The following CASR variants were observed in gnomAD, a reference collection of about 807,000 sequenced individuals.
The protein encoded by CASR is calcium sensing receptor.
Under a neutral mutation model 69.1 loss-of-function variants are expected in CASR, and 23 were observed. That is an observed-to-expected ratio of 0.33 (90% CI 0.24 to 0.47). The LOEUF is 0.47. Ranked by LOEUF, CASR falls within the 20% of genes least tolerant of loss-of-function variation. The pLI is 1.00. For missense variants in CASR, 924 were observed against 1,356.1 expected, an observed-to-expected ratio of 0.68 and a Z score of 5.00; for synonymous variants, 541 against 544.7, an observed-to-expected ratio of 0.99 and a Z score of 0.10.
chr3:122,206,795 A>AT (rs2074011588), intron 1 of CASR, among the ~76,000 whole-genome samples: 3 of 152,030 alleles, frequency 2.0e-5, no homozygotes, highest in African/African-American at 4.8e-5. Context: ...CTCATGTTTC[A>AT]ACCTTCGTAG....
intron 4 of CASR, among the ~76,000 whole-genome samples, chr3:122,263,688 CA>C (rs2087538627): frequency 6.6e-6 from 1 of 152,218 alleles, no homozygotes; most frequent in Non-Finnish European, 1.5e-5. Context: ...TTCAAGTTCT[CA>C]GCCCTTCTTA....
At chr3:122,271,789 C>T (rs2074760929) in intron 4 of CASR, among the ~76,000 whole-genome samples, 1 of 152,210 alleles carries the variant, frequency 6.6e-6, no homozygotes, top group Admixed American at 6.5e-5. Flanking sequence ...TAGACAAACA[C>T]TGATCTACTT....
chr3:122,225,393 A>C (rs1231449675), intron 1 of CASR, among the ~76,000 whole-genome samples: 1 of 152,062 alleles, frequency 6.6e-6, no homozygotes, highest in Non-Finnish European at 1.5e-5. Context: ...AGAAAAAAAA[A>C]CATTTAAAAA....
chr3:122,275,743 G>C, intron 4 of CASR, 69 bp from the exon 5 acceptor site: 1 of 1,011,816 alleles, frequency 9.9e-7, no homozygotes, highest in African/African-American at 1.6e-5. Flanking sequence ...TGTTGTGCAG[G>C]GCACAGCCTA....
intron 5 of CASR, among the ~76,000 whole-genome samples, chr3:122,278,780 C>T (rs970685597): frequency 1.3e-5 from 2 of 152,118 alleles, no homozygotes; most frequent in African/African-American, 2.4e-5. Context: ...CTGACCTGAG[C>T]GCGAATCTCA....
intron 1 of CASR, among the ~76,000 whole-genome samples, chr3:122,206,076 A>G (rs2074003752): frequency 6.6e-6 from 1 of 151,876 alleles, no homozygotes; most frequent in Non-Finnish European, 1.5e-5. Context: ...TCTTTTGCCT[A>G]ATTATTCTAG....
At position 122,284,842 on chromosome 3, in the gene CASR, A is replaced by G; in HGVS notation, c.2888A>G (p.Lys963Arg). 6.2e-7 allele frequency: 1 copy of G among 1,614,184 alleles called. No individual in the cohort carries two copies. ...QQRSQQQPRC[K>R]QKVIFGSGTV... ...CGATCTCAGCAGCAGCCCAGATGCA[A>G]GCAGAAGGTCATCTTTGGCAGCGGC... The change falls in exon 7 of 7, where the codon AAG becomes AGG. Residue 963 changes from lysine (K) to arginine (R), a missense_variant. Physicochemically the swap from Lys to Arg is conservative, Grantham distance 26. This residue lies in a region of CASR where 201 missense variants were observed against 228.8 expected (regional missense o/e 0.88). Coordinates refer to ENST00000639785, the MANE Select transcript of CASR (RefSeq NM_000388.4).
At chr3:122,190,298 ATCT>A (rs891697633) in intron 1 of CASR, among the ~76,000 whole-genome samples, 4 of 152,186 alleles carry the variant, frequency 2.6e-5, no homozygotes, top group Admixed American at 6.5e-5. Context: ...AGGCTAGGTG[ATCT>A]TCTCTTTTCA....
chr3:122,287,699 C>A lies in CASR; in HGVS notation c.*2508C>A, dbSNP rs2074982120. 6.6e-6 allele frequency: 1 copy of A among 152,292 alleles called. No individual in the cohort carries two copies. The highest frequency in any genetic ancestry group is 2.1e-4 in the South Asian group (1 of 4,830). 9.4% of individuals were successfully genotyped at this position (152,292 alleles called of 1,614,324 possible). On this transcript the variant is annotated 3_prime_UTR_variant, in exon 7 of 7. Coordinates refer to ENST00000639785, the MANE Select transcript of CASR (RefSeq NM_000388.4). ...CTGGCGTGCTCTGAGGCATTGTATC[C>A]TCATCTGGTCCCATCATGGGTTTCG...
chr3:122,250,194 A>G (rs867072042), intron 1 of CASR, among the ~76,000 whole-genome samples: 7 of 152,040 alleles, frequency 4.6e-5, no homozygotes, highest in South Asian at 4.1e-4. Flanking sequence ...GGACCAGGAG[A>G]CTGGATGTTG....
intron 1 of CASR, among the ~76,000 whole-genome samples, chr3:122,186,587 T>G (rs761720872): frequency 1.3e-5 from 2 of 152,240 alleles, no homozygotes; most frequent in Non-Finnish European, 2.9e-5. Flanking sequence ...TCCTGGAGCT[T>G]ACAGATGCTT....
chr3:122,240,305 G>A (rs769512990), intron 1 of CASR, among the ~76,000 whole-genome samples: 8 of 151,970 alleles, frequency 5.3e-5, no homozygotes, highest in Non-Finnish European at 1.2e-4. Flanking sequence ...CACCTATAAA[G>A]GTACACATAG....
In CASR at chr3:122,196,483, CT is replaced by C. The variant is rs199566584; in HGVS notation, c.-243+12679del. On this transcript the variant is annotated intron_variant, in intron 1 of 6. Coordinates refer to ENST00000639785, the MANE Select transcript of CASR (RefSeq NM_000388.4). ...TGTAATAATTTTTAGTTGACATTTA[CT>C]TTTTTTTAACTTTTTGGTTTTGGTT... Among the ~76,000 whole-genome samples the C allele has an allele frequency of 9.8e-4, 148 of 151,678 alleles. 2 individuals carry two copies. The East Asian group carries it at 0.019, about 19-fold the overall frequency.
At chr3:122,244,441 A>G (rs1576844656) in intron 1 of CASR, among the ~76,000 whole-genome samples, 1 of 84,734 alleles carries the variant, frequency 1.2e-5, no homozygotes, top group Non-Finnish European at 2.8e-5. Context: ...AATACTATAC[A>G]ATAATGAGAA....
intron 1 of CASR, among the ~76,000 whole-genome samples, chr3:122,218,808 G>T (rs933314939): frequency 6.6e-6 from 1 of 152,202 alleles, no homozygotes; most frequent in African/African-American, 2.4e-5. Flanking sequence ...TGATGTGTTT[G>T]CATTGCAAAT....
chr3:122,207,642 G>T (rs1005575921), intron 1 of CASR, among the ~76,000 whole-genome samples: 10 of 152,052 alleles, frequency 6.6e-5, no homozygotes, highest in Non-Finnish European at 1.2e-4. Context: ...GAAATGCAAC[G>T]TACTAAAATC....
chr3:122,183,800 T>G lies in CASR; in HGVS notation c.-255T>G, dbSNP rs760658153. On this transcript the variant is annotated 5_prime_UTR_variant, in exon 1 of 7. Coordinates refer to ENST00000639785, the MANE Select transcript of CASR (RefSeq NM_000388.4). ...CGGCACAGGCAACGCTTGACCTGAG[T>G]CTTGCAGAATGAGTAAGAGTTTGGG... 10 of 152,238 alleles carry G rather than the reference T, an allele frequency of 6.6e-5. No individual in the cohort carries two copies. Among genetic ancestry groups the G allele is most frequent in the Non-Finnish European group, 1.0e-4 (7 of 68,014 alleles). The allele number at this position is 152,238 out of a possible 1,614,324, so 9.4% of individuals were successfully genotyped here.
chr3:122,262,643 T>C (rs746197373), intron 4 of CASR, among the ~76,000 whole-genome samples: 3 of 152,222 alleles, frequency 2.0e-5, no homozygotes, highest in Non-Finnish European at 4.4e-5. Flanking sequence ...TTTAGTCCAG[T>C]GATTCAGAAT....
rs367587425 is a variant in CASR at position 122,288,983 on chromosome 3, G to C, written c.*3792G>C. The C allele has an allele frequency of 6.6e-6, 1 of 152,186 alleles. No homozygotes were observed. Among genetic ancestry groups the C allele is most frequent in the South Asian group, 2.1e-4 (1 of 4,806 alleles). The allele number at this position is 152,186 out of a possible 1,614,324, so 9.4% of individuals were successfully genotyped here. On this transcript the variant is annotated 3_prime_UTR_variant, in exon 7 of 7. Coordinates refer to ENST00000639785, the MANE Select transcript of CASR (RefSeq NM_000388.4). ...CAATACCCTGAAAGTCCCTATGATC[G>C]TCACACGTTGTCTAATTGCATTAAT...
Sources: gnomAD v4.1 joint callset for allele counts (sites outside exome capture counted in the v4.1 genomes callset) on GRCh38, gnomAD v4.1.1 for gene constraint, gnomAD v4.1.1 regional missense constraint, MANE v1.5 for transcripts, NCBI Gene and HGNC (gene_info 2026-07-23, HGNC 2026-07-21) for gene names.